Variants in DOT1L observed in about 807,000 individuals in gnomAD.
DOT1L encodes the protein DOT1 like histone lysine methyltransferase, also known as histone-lysine N-methyltransferase, H3 lysine-79 specific.
A neutral mutation model predicts 153.3 loss-of-function variants in DOT1L; 33 were observed. The ratio of observed to expected loss-of-function variants is 0.22; its 90% CI spans 0.16 to 0.29. The LOEUF is 0.29. DOT1L is among the 10% of genes least tolerant of loss of function. DOT1L has a pLI of 1.00. For missense variants in DOT1L, 1,847 were observed against 2,119.9 expected (o/e 0.87, Z 2.53); for synonymous variants, 1,135 against 965.1 (o/e 1.18, Z -3.26).
At chr19:2,164,632 C>T (rs1428689390) in intron 1 of DOT1L, among the ~76,000 whole-genome samples, 1 of 148,718 alleles carries the variant, frequency 6.7e-6, no homozygotes, top group African/African-American at 2.4e-5. Flanking sequence ...AGTGTGTCCG[C>T]CGCCTTATTT....
intron 12 of DOT1L, among the ~76,000 whole-genome samples, chr19:2,209,511 G>T (rs952682183): frequency 2.0e-4 from 30 of 152,218 alleles, no homozygotes; most frequent in Non-Finnish European, 5.9e-5. Context: ...CACCCTCGGT[G>T]CAGAGTGCAG....
chr19:2,175,219 C>T (rs2021867501), intron 1 of DOT1L, among the ~76,000 whole-genome samples: 1 of 152,000 alleles, frequency 6.6e-6, no homozygotes, highest in African/African-American at 2.4e-5. Flanking sequence ...AGGATGGTCT[C>T]GATCTCTTGA....
chr19:2,164,287 C>A lies in DOT1L; in HGVS notation c.81+22C>A, dbSNP rs748933392. 12 of 1,249,278 alleles carry A rather than the reference C, an allele frequency of 9.6e-6. No individual in the cohort carries two copies. In the East Asian group the frequency reaches 3.7e-4, roughly 39 times the overall value. 77.4% of individuals were successfully genotyped at this position (1,249,278 alleles called of 1,614,324 possible). A position where few individuals can be genotyped will look rare whatever the true frequency, so the allele number is the denominator to read the frequency against. On this transcript the variant is annotated intron_variant, in intron 1 of 27. Coordinates refer to ENST00000398665, the MANE Select transcript of DOT1L (RefSeq NM_032482.3). ...CTACGTGAGTGCCGCCCTCCACCGT[C>A]CCTACCTCCCGGCCTCCCCTCCTCC...
chr19:2,172,066 G>T (rs182358842), intron 1 of DOT1L, among the ~76,000 whole-genome samples: 3 of 152,334 alleles, frequency 2.0e-5, no homozygotes, highest in East Asian at 1.9e-4. Flanking sequence ...AACCCCAGGG[G>T]AGGAAAGAAG....
intron 3 of DOT1L, among the ~76,000 whole-genome samples, chr19:2,189,520 C>CT (rs1274742335): frequency 6.6e-6 from 1 of 152,246 alleles, no homozygotes; most frequent in Non-Finnish European, 1.5e-5. Flanking sequence ...GCACCGGACT[C>CT]TCGGCCGGCC....
Position 2,226,221 on chromosome 19 carries a change from G to C in DOT1L, c.3700G>C (p.Glu1234Gln). Residue 1234 changes from glutamate to glutamine, a missense_variant, in exon 27 of 28, where the codon GAG becomes CAG. Physicochemically the swap from Glu to Gln is conservative, Grantham distance 29. Around this residue, in one of 8 missense-constraint regions of DOT1L, gnomAD observed 934 missense variants for 825.3 expected, o/e 1.13. Transcript: ENST00000398665. Reference sequence around the variant, plus strand: ...GGGAAGGAAGCCCGCGCCCGCCGGCGAGCCAGTCAATAGCAGCAAGTGGAA... The same window carrying C: ...GGGAAGGAAGCCCGCGCCCGCCGGCCAGCCAGTCAATAGCAGCAAGTGGAA... Reference protein sequence around the residue: ...LAGRKPAPAGEPVNSSKWKST... With the variant: ...LAGRKPAPAGQPVNSSKWKST... 6.5e-7 allele frequency: 1 copy of C among 1,533,000 alleles called. No homozygotes were observed. The highest frequency in any genetic ancestry group is 8.8e-7 in the Non-Finnish European group (1 of 1,137,982). The allele number at this position is 1,533,000 out of a possible 1,614,324, so 95.0% of individuals were successfully genotyped here. A position where few individuals can be genotyped will look rare whatever the true frequency, so the allele number is the denominator to read the frequency against.
rs1330721968 is a variant in DOT1L, at chr19:2,204,568, T to C, written c.787+1789T>C. Among the ~76,000 whole-genome samples the C allele has an allele frequency of 1.3e-5, 2 of 152,316 alleles. No individual in the cohort carries two copies. The highest frequency in any genetic ancestry group is 4.8e-5 in the African/African-American group (2 of 41,592). ...GTACCCGCTGCCCTAGAACGCCTCT[T>C]CTGGCTGTTTCTCGCCAGCTTTCTC... On this transcript the variant is annotated intron_variant, in intron 9 of 27. Coordinates refer to ENST00000398665, the MANE Select transcript of DOT1L (RefSeq NM_032482.3). The surrounding 1 kb of genome is among the most constrained non-coding windows in gnomAD (Gnocchi z 5.7).
chr19:2,219,764 G>A (rs563862198), intron 22 of DOT1L, among the ~76,000 whole-genome samples: 1 of 152,292 alleles, frequency 6.6e-6, no homozygotes, highest in South Asian at 2.1e-4. Flanking sequence ...TGGCATTTGT[G>A]CTGCTTGGAG....
chr19:2,193,620 G>C lies in DOT1L; in HGVS notation c.494-69G>C. On this transcript the variant is annotated intron_variant, in intron 5 of 27. Coordinates refer to ENST00000398665, the MANE Select transcript of DOT1L (RefSeq NM_032482.3). This position sits in a 1 kb window ranked among gnomAD's most constrained non-coding sequence, Gnocchi z 5.9. ...CCGCATTCTTGTGGCCTCTGTCTCC[G>C]AGCCTAGCACGGCCTCCCGGGTGGC... 1 of 1,513,312 alleles carries C rather than the reference G, an allele frequency of 6.6e-7. No homozygotes were observed. Among genetic ancestry groups the C allele is most frequent in the Non-Finnish European group, 9.1e-7 (1 of 1,096,178 alleles). 93.7% of individuals were successfully genotyped at this position (1,513,312 alleles called of 1,614,324 possible).
rs149265015 is a variant in DOT1L, at chr19:2,211,556, G to A, written c.1466-195G>A. Among the ~76,000 whole-genome samples, 5 of 152,330 alleles carry A rather than the reference G, an allele frequency of 3.3e-5. 1 individual carries two copies. Among genetic ancestry groups the A allele is most frequent in the South Asian group, 4.1e-4 (2 of 4,828 alleles). ...CCCCACGCGGTGAACACTTGGCTGC[G>A]CAGGGGTCAGAGGGCCTGAGTGCTC... On this transcript the variant is annotated intron_variant, in intron 15 of 27. Transcript: ENST00000398665.
At chr19:2,165,360 G>C (rs2019872079) in intron 1 of DOT1L, among the ~76,000 whole-genome samples, 1 of 152,156 alleles carries the variant, frequency 6.6e-6, no homozygotes, top group South Asian at 2.1e-4. Context: ...GCGCTGGGGA[G>C]CCCGGGCTGG....
At chr19:2,229,261 C>T (rs1324496182) in intron 27 of DOT1L, 3 of 985,354 alleles carry the variant, frequency 3.0e-6, no homozygotes, top group Non-Finnish European at 1.2e-6. Flanking sequence ...CCACCCGTGC[C>T]CTCCAGGGAC....
intron 3 of DOT1L, among the ~76,000 whole-genome samples, chr19:2,186,352 A>G (rs978276115): frequency 1.3e-5 from 2 of 150,726 alleles, no homozygotes; most frequent in African/African-American, 4.9e-5. Flanking sequence ...TGGCTGCGTT[A>G]GCAATTTCGC....
chr19:2,191,351 G>T lies in DOT1L; in HGVS notation c.493+111G>T. The T allele has an allele frequency of 8.9e-7, 1 of 1,123,834 alleles. No homozygotes were observed. The highest frequency in any genetic ancestry group is 1.4e-5 in the South Asian group (1 of 73,240). The allele number at this position is 1,123,834 out of a possible 1,614,324, so 69.6% of individuals were successfully genotyped here. A position where few individuals can be genotyped will look rare whatever the true frequency, so the allele number is the denominator to read the frequency against. On this transcript the variant is annotated intron_variant, in intron 5 of 27. Coordinates refer to ENST00000398665, the MANE Select transcript of DOT1L (RefSeq NM_032482.3). This position sits in a 1 kb window ranked among gnomAD's most constrained non-coding sequence, Gnocchi z 6.8. ...TATCAGGGACTTGCGACGTTGGCGT[G>T]GACAGTGCTTCCTTCTCCCAGCGCC... is the stretch of plus-strand genomic sequence containing the variant.
At chr19:2,201,281 C>T (rs1414547665) in intron 8 of DOT1L, among the ~76,000 whole-genome samples, 1 of 151,172 alleles carries the variant, frequency 6.6e-6, no homozygotes, top group East Asian at 2.0e-4. Flanking sequence ...CTCGTCCTCC[C>T]CATGCCCGTC....
At position 2,222,018 on chromosome 19, in the gene DOT1L, C is replaced by T. The variant is rs375668963; in HGVS notation, c.2849C>T (p.Ala950Val). The change falls in exon 24 of 28, where the codon GCG becomes GTG. Residue 950 changes from alanine (A) to valine (V), a missense_variant. Around this residue, in one of 8 missense-constraint regions of DOT1L, gnomAD observed 68 missense variants for 80.7 expected, o/e 0.84. Coordinates refer to ENST00000398665, the MANE Select transcript of DOT1L (RefSeq NM_032482.3). This position sits in a 1 kb window ranked among gnomAD's most constrained non-coding sequence, Gnocchi z 6.5. ...TCGGTGGCCATCAGCGGGGCCTTGG[C>T]GGGCAGCCCGGCCTCTCTCACACCT... Reference protein sequence around the residue: ...AGSVAISGALAGSPASLTPGA... With the variant: ...AGSVAISGALVGSPASLTPGA... 3.5e-5 allele frequency: 56 copies of T among 1,611,110 alleles called. No individual in the cohort carries two copies. The highest frequency in any genetic ancestry group is 8.8e-5 in the South Asian group (8 of 90,914).
intron 8 of DOT1L, among the ~76,000 whole-genome samples, chr19:2,200,994 C>T (rs1163102864): frequency 3.2e-5 from 4 of 123,590 alleles, no homozygotes; most frequent in African/African-American, 9.6e-5. Flanking sequence ...TCGTCGTCCC[C>T]TCATTCCTCG....
intron 8 of DOT1L, among the ~76,000 whole-genome samples, 177 bp downstream of exon 8, chr19:2,200,116 G>A (rs1458867303): frequency 1.3e-5 from 2 of 152,066 alleles, no homozygotes; most frequent in South Asian, 2.1e-4. Context: ...CTGCGGGCGC[G>A]CAGAGCAGAC....
intron 1 of DOT1L, among the ~76,000 whole-genome samples, chr19:2,175,220 G>A (rs753798466): frequency 6.6e-6 from 1 of 151,980 alleles, no homozygotes; most frequent in Non-Finnish European, 1.5e-5. Flanking sequence ...GGATGGTCTC[G>A]ATCTCTTGAC....
Sources: gnomAD v4.1 joint callset for allele counts (sites outside exome capture counted in the v4.1 genomes callset) on GRCh38, gnomAD v4.1.1 for gene constraint, gnomAD v4.1.1 regional missense constraint, Gnocchi (gnomAD v3.1) non-coding constraint, MANE v1.5 for transcripts, NCBI Gene and HGNC (gene_info 2026-07-23, HGNC 2026-07-21) for gene names.